KIAA0825: variants seen among roughly 807,000 people sequenced by gnomAD.
The protein encoded by KIAA0825 is KIAA0825.
A neutral mutation model predicts 147.6 loss-of-function variants in KIAA0825; 119 were observed. That is an observed-to-expected ratio of 0.81 (90% CI 0.69 to 0.94). The LOEUF is 0.94. KIAA0825 is among the 40% of genes least tolerant of loss of function. The probability of loss-of-function intolerance (pLI) is 0.00; values close to 1 mark genes in which losing one functional copy is unlikely to be tolerated. For missense variants in KIAA0825, 1,381 were observed against 1,472.7 expected, an observed-to-expected ratio of 0.94 and a Z score of 1.02; for synonymous variants, 470 against 518.1, an observed-to-expected ratio of 0.91 and a Z score of 1.26.
At chr5:94,318,916 C>T (rs1397787791) in intron 20 of KIAA0825, among the ~76,000 whole-genome samples, 1 of 151,786 alleles carries the variant, frequency 6.6e-6, no homozygotes, top group Non-Finnish European at 1.5e-5. Context: ...ACTACCCCTC[C>T]TTGTCCCCAC....
intron 20 of KIAA0825, among the ~76,000 whole-genome samples, chr5:94,217,218 G>A (rs1773282450): frequency 6.6e-6 from 1 of 152,102 alleles, no homozygotes; most frequent in African/African-American, 2.4e-5. Context: ...TATCTGGTGT[G>A]TGTAGATACC....
At chr5:94,278,193 T>C (rs965051242) in intron 20 of KIAA0825, among the ~76,000 whole-genome samples, 1 of 152,072 alleles carries the variant, frequency 6.6e-6, no homozygotes, top group Non-Finnish European at 1.5e-5. Context: ...GATGGGTTGA[T>C]AGGTGCAGCA....
chr5:94,344,813 C>T (rs1427114825), intron 20 of KIAA0825, among the ~76,000 whole-genome samples: 1 of 152,096 alleles, frequency 6.6e-6, no homozygotes, highest in Admixed American at 6.5e-5. Flanking sequence ...TGCCCAGTCA[C>T]AGAAGGATTA....
chr5:94,364,449 T>G (rs1444795459), intron 20 of KIAA0825, among the ~76,000 whole-genome samples: 1 of 151,968 alleles, frequency 6.6e-6, no homozygotes, highest in Non-Finnish European at 1.5e-5. Flanking sequence ...TGACACGATC[T>G]CGGCTCACTG....
intron 1 of KIAA0825, among the ~76,000 whole-genome samples, chr5:94,609,956 A>T (rs1788377606): frequency 6.6e-6 from 1 of 152,224 alleles, no homozygotes; most frequent in African/African-American, 2.4e-5. Flanking sequence ...CTGAACTGCC[A>T]TGAGCATTTC....
chr5:94,238,842 G>A (rs1775202162), intron 20 of KIAA0825, among the ~76,000 whole-genome samples: 1 of 152,024 alleles, frequency 6.6e-6, no homozygotes, highest in Non-Finnish European at 1.5e-5. Flanking sequence ...TTAAATGGGA[G>A]GGAATATGAT....
intron 2 of KIAA0825, among the ~76,000 whole-genome samples, chr5:94,574,095 C>T (rs983474660): frequency 1.3e-5 from 2 of 152,088 alleles, no homozygotes; most frequent in Non-Finnish European, 2.9e-5. Flanking sequence ...GAAAGGCAAG[C>T]CCCAAGAAAA....
chr5:94,535,600 C>G (rs758051636), intron 3 of KIAA0825, among the ~76,000 whole-genome samples: 19 of 151,144 alleles, frequency 1.3e-4, no homozygotes, highest in Non-Finnish European at 2.2e-4. Flanking sequence ...GTCAGCAGTC[C>G]TTTTGTCAGC....
chr5:94,306,701 A>T (rs1778762615), intron 20 of KIAA0825, among the ~76,000 whole-genome samples: 1 of 151,862 alleles, frequency 6.6e-6, no homozygotes, highest in Non-Finnish European at 1.5e-5. Flanking sequence ...GAGGGAAATT[A>T]TCAAAGATAT....
At chr5:94,227,045 G>T (rs1337731389) in intron 20 of KIAA0825, among the ~76,000 whole-genome samples, 2 of 151,792 alleles carry the variant, frequency 1.3e-5, no homozygotes, top group Non-Finnish European at 2.9e-5. Flanking sequence ...TCCCATTACT[G>T]GGTATATACC....
chr5:94,513,672 A>C (rs556234179), intron 5 of KIAA0825, among the ~76,000 whole-genome samples: 89 of 152,218 alleles, frequency 5.8e-4, no homozygotes, highest in African/African-American at 2.0e-3. Flanking sequence ...ATGCAGCAGA[A>C]AAAAAAGTTT....
chr5:94,546,155 G>A (rs1944857625), intron 2 of KIAA0825, among the ~76,000 whole-genome samples: 1 of 152,122 alleles, frequency 6.6e-6, no homozygotes, highest in South Asian at 2.1e-4. Context: ...AAGGAACAGT[G>A]GGAAGGACTT....
chr5:94,423,566 T>C (rs922344647), intron 14 of KIAA0825, among the ~76,000 whole-genome samples: 2 of 152,118 alleles, frequency 1.3e-5, no homozygotes, highest in Admixed American at 6.6e-5. Context: ...CCTGCTTAAT[T>C]TTTACTTTCT....
rs569986967 is a variant in KIAA0825, at chr5:94,234,417, T to A, written c.3711-80293A>T. On this transcript the variant is annotated intron_variant, in intron 20 of 20. Transcript: ENST00000682413. ...TAAAAATAAAAAAATAAAAAAAAAA[T>A]ATGTATTAAAGTGATCTATGATCAG... Among the ~76,000 whole-genome samples, 22 of 150,576 alleles carry A rather than the reference T, an allele frequency of 1.5e-4. No individual in the cohort carries two copies. In the South Asian group the frequency reaches 2.7e-3, roughly 19 times the overall value.
At chr5:94,540,118 T>C (rs1447785412) in intron 2 of KIAA0825, among the ~76,000 whole-genome samples, 1 of 152,206 alleles carries the variant, frequency 6.6e-6, no homozygotes, top group South Asian at 2.1e-4. Flanking sequence ...CCTGAGGCAA[T>C]GCTTTCCTTT....
At chr5:94,472,639 G>A (rs1000141676) in intron 8 of KIAA0825, among the ~76,000 whole-genome samples, 1 of 152,142 alleles carries the variant, frequency 6.6e-6, no homozygotes, top group Non-Finnish European at 1.5e-5. Context: ...AGCTACTCGG[G>A]AGGGTGAGGC....
rs930283992 is a variant in KIAA0825 at position 94,554,270 on chromosome 5, C to T, written c.-1-17143G>A. Among the ~76,000 whole-genome samples the T allele has an allele frequency of 5.3e-5, 8 of 152,088 alleles. No individual in the cohort carries two copies. The South Asian group carries it at 6.2e-4, about 12-fold the overall frequency. On this transcript the variant is annotated intron_variant, in intron 2 of 20. Transcript: ENST00000682413. Reference sequence around the variant, plus strand: ...GACATCTTTATGGCATGCCATCACACGGAAAAGGGGTAACATTAGGGAATC... The same window carrying T: ...GACATCTTTATGGCATGCCATCACATGGAAAAGGGGTAACATTAGGGAATC...
At chr5:94,498,494 A>G (rs1764641401) in intron 5 of KIAA0825, among the ~76,000 whole-genome samples, 1 of 152,232 alleles carries the variant, frequency 6.6e-6, no homozygotes, top group Non-Finnish European at 1.5e-5. Context: ...CCTGTTGCTC[A>G]GGTCTCCAGA....
rs564569476 is a variant in KIAA0825, at chr5:94,473,460, C to A, written c.1287G>T (p.Ala429=). The A allele has an allele frequency of 6.4e-7, 1 of 1,551,748 alleles. No individual in the cohort carries two copies. Among genetic ancestry groups the A allele is most frequent in the Non-Finnish European group, 8.7e-7 (1 of 1,146,998 alleles). ...SAFKEVSLPM[A]HCVVTAIEGF... Reference sequence around the variant, plus strand: ...CTTCAATTGCAGTTACTACGCAGTGCGCCATGGGAAGAGACACTTCTTTAA... The same window carrying A: ...CTTCAATTGCAGTTACTACGCAGTGAGCCATGGGAAGAGACACTTCTTTAA... Residue 429 remains alanine, a synonymous_variant, in exon 8 of 21, where the codon GCG becomes GCT. Coordinates refer to ENST00000682413, the MANE Select transcript of KIAA0825 (RefSeq NM_001145678.3).
Sources: gnomAD v4.1 joint callset for allele counts (sites outside exome capture counted in the v4.1 genomes callset) on GRCh38, gnomAD v4.1.1 for gene constraint, MANE v1.5 for transcripts, NCBI Gene and HGNC (gene_info 2026-07-23, HGNC 2026-07-21) for gene names.